Variants in LCK observed in about 807,000 individuals in gnomAD.
LCK encodes LCK proto-oncogene, Src family tyrosine kinase.
LCK carries 14 observed loss-of-function variants against 64.6 expected under a neutral mutation model. The ratio of observed to expected loss-of-function variants is 0.22; its 90% CI spans 0.14 to 0.34. The LOEUF is 0.34. LCK is among the 10% of genes least tolerant of loss of function. The pLI, the probability that LCK is intolerant of heterozygous loss-of-function variation, is 1.00. For synonymous variants in LCK, 277 were observed against 263.6 expected, an observed-to-expected ratio of 1.05 and a Z score of -0.49; for missense variants, 434 against 668.1, an observed-to-expected ratio of 0.65 and a Z score of 3.86.
intron 11 of LCK, 24 bp from the exon 12 acceptor site, chr1:32,280,055 G>T (rs563675730): frequency 7.7e-5 from 124 of 1,614,066 alleles, no homozygotes; most frequent in Admixed American, 3.8e-4. Context: ...AGACCCAGGT[G>T]ACCTCACTCT....
intron 1 of LCK, among the ~76,000 whole-genome samples, chr1:32,265,690 C>T (rs1250206260): frequency 6.6e-6 from 1 of 152,104 alleles, no homozygotes; most frequent in African/African-American, 2.4e-5. Flanking sequence ...GATTCCTTTT[C>T]CCTCCCCACC....
chr1:32,283,073 G>A (rs7515990), intron 12 of LCK, among the ~76,000 whole-genome samples: 10 of 151,848 alleles, frequency 6.6e-5, no homozygotes, highest in South Asian at 4.2e-4. Flanking sequence ...AGCGGATCAC[G>A]TGGTCAGGAG....
At chr1:32,262,978 G>T (rs1193982946) in intron 1 of LCK, among the ~76,000 whole-genome samples, 1 of 151,816 alleles carries the variant, frequency 6.6e-6, no homozygotes, top group African/African-American at 2.4e-5. Context: ...TCCCAATTTA[G>T]GAATCCAAGG....
At chr1:32,261,998 C>T (rs1639787642) in intron 1 of LCK, among the ~76,000 whole-genome samples, 1 of 148,446 alleles carries the variant, frequency 6.7e-6, no homozygotes, top group Non-Finnish European at 1.5e-5. Flanking sequence ...CCTCAGCCTC[C>T]CAAGTAGCTC....
In LCK at chr1:32,285,728, AG is replaced by A; in HGVS notation, c.*14del. 1.3e-6 allele frequency: 2 copies of A among 1,575,216 alleles called. No homozygotes were observed. Among genetic ancestry groups the A allele is most frequent in the Non-Finnish European group, 1.7e-6 (2 of 1,160,294 alleles). ...AGCCTCAGCCTTGAGAGGCCTTGAG[AG>A]GCCCTGGGGTTCTCCCCCTTTCTCT... On this transcript the variant is annotated 3_prime_UTR_variant, in exon 13 of 13. Coordinates refer to ENST00000336890, the MANE Select transcript of LCK (RefSeq NM_005356.5).
At chr1:32,272,185 G>A (rs961375242) in intron 1 of LCK, among the ~76,000 whole-genome samples, 1 of 151,416 alleles carries the variant, frequency 6.6e-6, no homozygotes, top group Admixed American at 6.6e-5. Context: ...TCAGGAGGCC[G>A]AGGCAGGAGA....
rs1381064871 is a variant in LCK at position 32,276,056 on chromosome 1, T to C, written c.624T>C (p.His208=). ...CCGGCCTGCATGAACTGGTCCGCCATTACACCAGTGAGCCCGACGGGACCC... is the reference window on the plus strand; with the variant it reads ...CCGGCCTGCATGAACTGGTCCGCCACTACACCAGTGAGCCCGACGGGACCC... ...TFPGLHELVR[H]YTNASDGLCT... The change falls in exon 7 of 13, where the codon CAT becomes CAC. Residue 208 remains histidine (H), a synonymous_variant. Transcript: ENST00000336890. The surrounding 1 kb of genome is among the most constrained non-coding windows in gnomAD (Gnocchi z 4.6). 10 of 1,614,006 alleles carry C rather than the reference T, an allele frequency of 6.2e-6. No homozygotes were observed. Among genetic ancestry groups the C allele is most frequent in the Non-Finnish European group, 8.5e-6 (10 of 1,179,992 alleles).
At chr1:32,274,153 G>A (rs569091494) in intron 1 of LCK, 172 bp from the exon 2 acceptor site, 9 of 1,396,248 alleles carry the variant, frequency 6.4e-6, no homozygotes, top group Middle Eastern at 3.7e-4. Context: ...GGGAGCACCG[G>A]TTTGGAGCTG....
At chr1:32,252,930 G>A (rs1639543293) in intron 1 of LCK, among the ~76,000 whole-genome samples, 1 of 152,174 alleles carries the variant, frequency 6.6e-6, no homozygotes, top group Non-Finnish European at 1.5e-5. Context: ...AAGACCAAAG[G>A]CCAGAGAGCC....
Position 32,275,354 on chromosome 1 carries a change from C to T in LCK, c.312C>T (p.Thr104=). Residue 104 remains threonine, a synonymous_variant, in exon 5 of 13, where the codon ACC becomes ACT. Coordinates refer to ENST00000336890, the MANE Select transcript of LCK (RefSeq NM_005356.5). The surrounding 1 kb of genome is among the most constrained non-coding windows in gnomAD (Gnocchi z 6.9). ...AGTGGTGGAAGGCGCAGTCCCTGAC[C>T]ACGGGCCAGGAAGGCTTCATCCCCT... ...SGEWWKAQSL[T]TGQEGFIPFN... 1.9e-6 allele frequency: 3 copies of T among 1,614,166 alleles called. No individual in the cohort carries two copies. Among genetic ancestry groups the T allele is most frequent in the Non-Finnish European group, 2.5e-6 (3 of 1,180,030 alleles).
At chr1:32,272,623 A>AAGAGAG (rs145594259) in intron 1 of LCK, among the ~76,000 whole-genome samples, 8 of 123,144 alleles carry the variant, frequency 6.5e-5, no homozygotes, top group South Asian at 2.6e-4. Flanking sequence ...GAGAGAGAGA[A>AAGAGAG]AGAGAGAGAG....
At chr1:32,284,331 G>GAT (rs887967955) in intron 12 of LCK, among the ~76,000 whole-genome samples, 15 of 145,932 alleles carry the variant, frequency 1.0e-4, no homozygotes, top group East Asian at 3.9e-4. Flanking sequence ...ATATATGTGA[G>GAT]ATATATATAT....
In LCK at chr1:32,276,079, C is replaced by T; in HGVS notation, c.631+16C>T. On this transcript the variant is annotated intron_variant, in intron 7 of 12. Coordinates refer to ENST00000336890, the MANE Select transcript of LCK (RefSeq NM_005356.5). This position sits in a 1 kb window ranked among gnomAD's most constrained non-coding sequence, Gnocchi z 4.6. ...CATTACACCAGTGAGCCCGACGGGA[C>T]CCCTCCCCCGTGCCCTATCAGCCTA... 5 of 1,613,484 alleles carry T rather than the reference C, an allele frequency of 3.1e-6. No homozygotes were observed. Among genetic ancestry groups the T allele is most frequent in the Non-Finnish European group, 4.2e-6 (5 of 1,179,862 alleles).
chr1:32,253,283 A>T (rs192445467), intron 1 of LCK, among the ~76,000 whole-genome samples: 83 of 151,968 alleles, frequency 5.5e-4, no homozygotes, highest in African/African-American at 1.9e-3. Flanking sequence ...AATTGCTTGA[A>T]CCCGGGATGC....
rs527558126 is a variant in LCK, at chr1:32,275,774, G to A, written c.481+102G>A. 2.9e-5 allele frequency: 41 copies of A among 1,404,084 alleles called. No individual in the cohort carries two copies. In the Admixed American group the frequency reaches 6.6e-4, roughly 23 times the overall value. 87.0% of individuals were successfully genotyped at this position (1,404,084 alleles called of 1,614,324 possible). A position where few individuals can be genotyped will look rare whatever the true frequency, so the allele number is the denominator to read the frequency against. On this transcript the variant is annotated intron_variant, in intron 6 of 12. Transcript: ENST00000336890. The surrounding 1 kb of genome is among the most constrained non-coding windows in gnomAD (Gnocchi z 6.9). The stretch of plus-strand genomic sequence containing the variant: ...GGTGGAGACACGGGGTGAGTCGGAG[G>A]GGGACGCGGGATGAGCCCGAGGTGG...
intron 1 of LCK, among the ~76,000 whole-genome samples, chr1:32,252,623 T>C (rs779399440): frequency 9.9e-5 from 15 of 152,242 alleles, no homozygotes; most frequent in Middle Eastern, 3.4e-3. Flanking sequence ...GAGCAGTTCC[T>C]TCCACCCAGC....
At chr1:32,255,866 A>T (rs543087298) in intron 1 of LCK, among the ~76,000 whole-genome samples, 8 of 139,658 alleles carry the variant, frequency 5.7e-5, no homozygotes, top group African/African-American at 2.2e-4. Flanking sequence ...ACATGGTGTG[A>T]TCATAGCTCA....
At chr1:32,259,499 A>G (rs1049628114) in intron 1 of LCK, among the ~76,000 whole-genome samples, 1 of 150,870 alleles carries the variant, frequency 6.6e-6, no homozygotes, top group African/African-American at 2.4e-5. Context: ...ACACGCCTGT[A>G]GTCCCAGCTC....
rs1036169738 is a variant in LCK at position 32,281,280 on chromosome 1, AAAAC to A, written c.1327+1082_1327+1085del. On this transcript the variant is annotated intron_variant, in intron 12 of 12. Coordinates refer to ENST00000336890, the MANE Select transcript of LCK (RefSeq NM_005356.5). ...GAGACTCCATCTCTACAAAAAAAAA[AAAAC>A]AAACAAACAAAAAAAACATTTAAAA... Among the ~76,000 whole-genome samples the A allele has an allele frequency of 4.6e-5, 7 of 150,958 alleles. No individual in the cohort carries two copies. The South Asian group carries it at 6.2e-4, about 13-fold the overall frequency.
Sources: gnomAD v4.1 joint callset for allele counts (sites outside exome capture counted in the v4.1 genomes callset) on GRCh38, gnomAD v4.1.1 for gene constraint, Gnocchi (gnomAD v3.1) non-coding constraint, MANE v1.5 for transcripts, NCBI Gene and HGNC (gene_info 2026-07-23, HGNC 2026-07-21) for gene names.